Variants in PACSIN2 observed in about 807,000 individuals in gnomAD.
The protein encoded by PACSIN2 is protein kinase C and casein kinase substrate in neurons 2, also known as protein kinase C and casein kinase substrate in neurons protein 2.
In PACSIN2, 25 loss-of-function variants were observed where a neutral mutation model predicts 63.8. That is an observed-to-expected ratio of 0.39 (90% CI 0.29 to 0.55). The LOEUF (loss-of-function observed/expected upper bound fraction) is 0.55. PACSIN2 is among the 20% of genes least tolerant of loss of function. PACSIN2 has a pLI of 0.62. For missense variants in PACSIN2, 518 were observed against 646.9 expected (o/e 0.80, Z 2.16); for synonymous variants, 255 against 256.2 (o/e 1.00, Z 0.05).
rs1188361256 is a variant in PACSIN2, at chr22:42,984,012, C to T, written c.-78+31009G>A. 2.9e-5 allele frequency among the ~76,000 whole-genome samples: 4 copies of T among 139,730 alleles called. No homozygotes were observed. The East Asian group carries it at 8.6e-4, about 30-fold the overall frequency. The allele number at this position is 139,730 out of a possible 152,430, so 91.7% of individuals were successfully genotyped here. ...TTGAGACAGGGTCTGGCTCTGTCACCAAGGCTGGAGTGCAATGATGAAATC... is the reference window on the plus strand; with the variant it reads ...TTGAGACAGGGTCTGGCTCTGTCACTAAGGCTGGAGTGCAATGATGAAATC... On this transcript the variant is annotated intron_variant, in intron 1 of 10. Transcript: ENST00000263246.
intron 1 of PACSIN2, among the ~76,000 whole-genome samples, chr22:42,983,855 G>A (rs1023118809): frequency 1.3e-5 from 2 of 151,948 alleles, no homozygotes; most frequent in Non-Finnish European, 1.5e-5. Context: ...CATCTCATGA[G>A]ACAGATACTT....
chr22:42,940,863 T>C (rs1261681732), intron 1 of PACSIN2, among the ~76,000 whole-genome samples: 6 of 152,224 alleles, frequency 3.9e-5, no homozygotes, highest in Admixed American at 3.9e-4. Flanking sequence ...ATGGGTGAAG[T>C]ACTTGAGATT....
intron 1 of PACSIN2, among the ~76,000 whole-genome samples, chr22:43,010,642 G>A (rs1282735718): frequency 2.0e-5 from 3 of 152,040 alleles, no homozygotes; most frequent in Admixed American, 6.6e-5. Flanking sequence ...CTCGGGAGGC[G>A]CAGCCTGCAG....
chr22:42,876,309 C>T lies in PACSIN2; in HGVS notation c.1176G>A (p.Gln392=), dbSNP rs936416105. The change falls in exon 10 of 11, where the codon CAG becomes CAA. Residue 392 remains glutamine, a synonymous_variant. Transcript: ENST00000263246. ...CGTCTGACCAGTCGGTGGGATAGCT[C>T]TGGGTCTTCTCGTAGCTGCTCACAC... ...AKNVSSYEKT[Q]SYPTDWSDDE... 6.2e-7 allele frequency: 1 copy of T among 1,614,086 alleles called. No individual in the cohort carries two copies. The highest frequency in any genetic ancestry group is 1.7e-5 in the Admixed American group (1 of 60,018).
At chr22:42,889,544 G>A (rs1380510778) in intron 4 of PACSIN2, among the ~76,000 whole-genome samples, 1 of 152,128 alleles carries the variant, frequency 6.6e-6, no homozygotes, top group Non-Finnish European at 1.5e-5. Context: ...AAGGAGATGT[G>A]ACAAAAGCTA....
chr22:42,911,195 C>T (rs571187755), intron 2 of PACSIN2, among the ~76,000 whole-genome samples: 1 of 152,158 alleles, frequency 6.6e-6, no homozygotes, highest in South Asian at 2.1e-4. Flanking sequence ...TGAGCCACTG[C>T]GCCCGGCCAT....
intron 1 of PACSIN2, among the ~76,000 whole-genome samples, chr22:42,961,687 C>T (rs1332336898): frequency 6.6e-6 from 1 of 152,000 alleles, no homozygotes; most frequent in Non-Finnish European, 1.5e-5. Context: ...GCACGAGAAT[C>T]GCTTGACCCC....
intron 1 of PACSIN2, among the ~76,000 whole-genome samples, chr22:42,984,492 A>G (rs907277276): frequency 5.9e-5 from 9 of 152,074 alleles, no homozygotes; most frequent in African/African-American, 2.2e-4. Flanking sequence ...GCATCTCCCC[A>G]GACTGGATCT....
intron 2 of PACSIN2, among the ~76,000 whole-genome samples, chr22:42,908,988 T>C (rs1231435538): frequency 6.6e-6 from 1 of 152,066 alleles, no homozygotes; most frequent in Non-Finnish European, 1.5e-5. Context: ...TTCCCCTATA[T>C]CTACAGGGTT....
chr22:42,925,877 G>A (rs142091342), intron 1 of PACSIN2, among the ~76,000 whole-genome samples: 1 of 152,234 alleles, frequency 6.6e-6, no homozygotes, highest in African/African-American at 2.4e-5. Flanking sequence ...ATGGGTCCCT[G>A]GGCCCTCTAT....
At chr22:42,933,482 C>A (rs1932824048) in intron 1 of PACSIN2, among the ~76,000 whole-genome samples, 2 of 152,202 alleles carry the variant, frequency 1.3e-5, no homozygotes, top group African/African-American at 4.8e-5. Flanking sequence ...AGCAACAGAA[C>A]ACACCCATGT....
chr22:42,981,053 C>T (rs8139768), intron 1 of PACSIN2, among the ~76,000 whole-genome samples: 3 of 147,622 alleles, frequency 2.0e-5, no homozygotes, highest in Non-Finnish European at 3.0e-5. Flanking sequence ...GCCTCTTCCC[C>T]GCCGCCATCC....
intron 1 of PACSIN2, among the ~76,000 whole-genome samples, chr22:42,934,027 G>A (rs12160356): frequency 6.6e-6 from 1 of 152,194 alleles, no homozygotes; most frequent in African/African-American, 2.4e-5. Context: ...ATACTTACAA[G>A]AACAGCCAGT....
intron 5 of PACSIN2, among the ~76,000 whole-genome samples, chr22:42,886,660 T>A (rs1929510060): frequency 6.6e-6 from 1 of 152,062 alleles, no homozygotes; most frequent in South Asian, 2.1e-4. Context: ...AGAGATGAGG[T>A]CTCACTATGT....
intron 2 of PACSIN2, 47 bp downstream of exon 2, chr22:42,911,974 C>T (rs773953090): frequency 1.4e-6 from 2 of 1,424,864 alleles, no homozygotes; most frequent in Admixed American, 1.8e-5. Context: ...CTGCCAGACA[C>T]TATTGGCCTG....
chr22:42,951,475 C>A (rs1325992919), intron 1 of PACSIN2, among the ~76,000 whole-genome samples: 1 of 152,190 alleles, frequency 6.6e-6, no homozygotes, highest in African/African-American at 2.4e-5. Flanking sequence ...CCAGATCCGG[C>A]ATGGCCCGAG....
At chr22:42,964,416 T>TG (rs1216403681) in intron 1 of PACSIN2, among the ~76,000 whole-genome samples, 129 of 90,088 alleles carry the variant, frequency 1.4e-3, no homozygotes, top group Non-Finnish European at 2.4e-3. Context: ...AGACTCCGTC[T>TG]GGAAAAAAAA....
intron 3 of PACSIN2, among the ~76,000 whole-genome samples, chr22:42,892,247 G>C (rs1370828131): frequency 6.6e-6 from 1 of 152,196 alleles, no homozygotes; most frequent in African/African-American, 2.4e-5. Context: ...AAATCGAGAA[G>C]ATCCATGGCT....
intron 1 of PACSIN2, among the ~76,000 whole-genome samples, chr22:42,954,862 G>C (rs1402451045): frequency 7.0e-6 from 1 of 143,254 alleles, no homozygotes; most frequent in African/African-American, 3.0e-5. Flanking sequence ...ATGCCACAAA[G>C]AGAAAAATAG....
Sources: gnomAD v4.1 joint callset for allele counts (sites outside exome capture counted in the v4.1 genomes callset) on GRCh38, gnomAD v4.1.1 for gene constraint, MANE v1.5 for transcripts, NCBI Gene and HGNC (gene_info 2026-07-23, HGNC 2026-07-21) for gene names.